Variants in INSYN2B observed in about 807,000 individuals in gnomAD.
INSYN2B encodes the protein inhibitory synaptic factor family member 2B, also known as protein INSYN2B.
INSYN2B carries 16 observed loss-of-function variants against 41.2 expected under a neutral mutation model. That is an observed-to-expected ratio of 0.39 (90% confidence interval 0.26 to 0.59). INSYN2B has a LOEUF of 0.59. Ranked by LOEUF, INSYN2B falls within the 20% of genes least tolerant of loss-of-function variation. The pLI is 0.57. For synonymous variants in INSYN2B, 245 were observed against 244.4 expected (o/e 1.00, Z -0.02); for missense variants, 608 against 646.4 (o/e 0.94, Z 0.64).
intron 3 of INSYN2B, among the ~76,000 whole-genome samples, chr5:169,867,677 A>G (rs1441001929): frequency 1.3e-5 from 2 of 152,016 alleles, no homozygotes; most frequent in East Asian, 1.9e-4. Context: ...GTCTCTATCT[A>G]TTGATCCCCC....
At chr5:169,950,768 C>G (rs1269292561) in intron 1 of INSYN2B, among the ~76,000 whole-genome samples, 3 of 152,154 alleles carry the variant, frequency 2.0e-5, no homozygotes, top group East Asian at 3.8e-4. Context: ...GTATCAGGAC[C>G]AGATTCTGTC....
At chr5:169,951,711 A>AT (rs1467126356) in intron 1 of INSYN2B, among the ~76,000 whole-genome samples, 1 of 152,242 alleles carries the variant, frequency 6.6e-6, no homozygotes, top group Non-Finnish European at 1.5e-5. Flanking sequence ...ATACACAAAC[A>AT]TATGTATAGC....
intron 1 of INSYN2B, among the ~76,000 whole-genome samples, chr5:169,956,714 A>G (rs1776881745): frequency 6.6e-6 from 1 of 152,226 alleles, no homozygotes; most frequent in Admixed American, 6.5e-5. Context: ...GTTTATAAAT[A>G]CAAGCTTTGT....
chr5:169,976,817 C>T (rs761892411), intron 1 of INSYN2B, among the ~76,000 whole-genome samples: 1 of 152,144 alleles, frequency 6.6e-6, no homozygotes, highest in Non-Finnish European at 1.5e-5. Context: ...CTGACTCTGC[C>T]GGAGTTGCCA....
chr5:169,936,966 C>T (rs1776028144), intron 1 of INSYN2B, among the ~76,000 whole-genome samples: 1 of 152,122 alleles, frequency 6.6e-6, no homozygotes, highest in African/African-American at 2.4e-5. Context: ...GGTTTCCCAC[C>T]ACCTCTCCTG....
At chr5:169,881,674 C>T (rs1395339940) in intron 2 of INSYN2B, among the ~76,000 whole-genome samples, 1 of 152,136 alleles carries the variant, frequency 6.6e-6, no homozygotes, top group Non-Finnish European at 1.5e-5. Flanking sequence ...ATGCTGACAA[C>T]AATCCTGTTG....
At chr5:169,959,767 C>T (rs11134599) in intron 1 of INSYN2B, among the ~76,000 whole-genome samples, 48,790 of 151,944 alleles carry the variant, frequency 0.32, 9,138 homozygotes, top group African/African-American at 0.52. Context: ...TTAGAGTCAT[C>T]GTAGATCTAG....
intron 1 of INSYN2B, among the ~76,000 whole-genome samples, chr5:169,890,338 A>G (rs1773212899): frequency 6.6e-6 from 1 of 152,166 alleles, no homozygotes; most frequent in South Asian, 2.1e-4. Context: ...ACTGTTGATC[A>G]TTCACCTCTG....
intron 1 of INSYN2B, among the ~76,000 whole-genome samples, chr5:169,889,711 C>T (rs1773175332): frequency 6.6e-6 from 1 of 152,208 alleles, no homozygotes; most frequent in African/African-American, 2.4e-5. Flanking sequence ...TCAGATCTGC[C>T]ATTGTGGCAA....
intron 1 of INSYN2B, among the ~76,000 whole-genome samples, chr5:169,944,992 A>G (rs543674304): frequency 5.9e-5 from 9 of 152,266 alleles, no homozygotes; most frequent in South Asian, 4.1e-4. Flanking sequence ...TGGCTGGCAA[A>G]TACCTCTAGG....
At chr5:169,969,526 T>C (rs1372914402) in intron 1 of INSYN2B, among the ~76,000 whole-genome samples, 2 of 152,088 alleles carry the variant, frequency 1.3e-5, no homozygotes, top group African/African-American at 4.8e-5. Flanking sequence ...AAATACCAAA[T>C]AGTGAAGAGA....
intron 3 of INSYN2B, among the ~76,000 whole-genome samples, chr5:169,872,783 C>T (rs965947853): frequency 6.6e-6 from 1 of 152,182 alleles, no homozygotes; most frequent in Non-Finnish European, 1.5e-5. Context: ...AAAGTAGGAC[C>T]TAGTTTTGAG....
chr5:169,899,894 A>G (rs1773822215), intron 1 of INSYN2B, among the ~76,000 whole-genome samples: 1 of 152,220 alleles, frequency 6.6e-6, no homozygotes, highest in Non-Finnish European at 1.5e-5. Context: ...TAATGCTATC[A>G]GGCATCTGCC....
chr5:169,937,183 T>G (rs933962332), intron 1 of INSYN2B, among the ~76,000 whole-genome samples: 6 of 152,250 alleles, frequency 3.9e-5, no homozygotes, highest in African/African-American at 1.4e-4. Flanking sequence ...AGAGCTGCTT[T>G]CAAACCACCA....
intron 1 of INSYN2B, among the ~76,000 whole-genome samples, chr5:169,906,204 G>A: frequency 6.6e-6 from 1 of 152,164 alleles, no homozygotes; most frequent in East Asian, 1.9e-4. Flanking sequence ...TGGATAGTCA[G>A]AAAGTTCTTT....
chr5:169,908,713 C>CTTT (rs34261104), intron 1 of INSYN2B, among the ~76,000 whole-genome samples: 4 of 105,072 alleles, frequency 3.8e-5, no homozygotes, highest in Non-Finnish European at 5.6e-5. Flanking sequence ...TTTCTTTTTT[C>CTTT]TTTTTTTTTT....
intron 3 of INSYN2B, among the ~76,000 whole-genome samples, chr5:169,874,177 CCAAGGT>C (rs1212971899): frequency 6.6e-6 from 1 of 152,014 alleles, no homozygotes; most frequent in Non-Finnish European, 1.5e-5. Context: ...CTTTGGGAGG[CCAAGGT>C]CAGTGGATCA....
intron 1 of INSYN2B, among the ~76,000 whole-genome samples, chr5:169,898,249 C>T (rs917451189): frequency 6.6e-6 from 1 of 152,202 alleles, no homozygotes; most frequent in African/African-American, 2.4e-5. Flanking sequence ...CAACTGGCTG[C>T]CATGGTCTCC....
chr5:169,919,436 A>C (rs1775054292), intron 1 of INSYN2B, among the ~76,000 whole-genome samples: 1 of 152,200 alleles, frequency 6.6e-6, no homozygotes, highest in African/African-American at 2.4e-5. Context: ...TTAAATCCCC[A>C]ACTAAAAAGT....
Sources: gnomAD v4.1 joint callset for allele counts (sites outside exome capture counted in the v4.1 genomes callset) on GRCh38, gnomAD v4.1.1 for gene constraint, MANE v1.5 for transcripts, NCBI Gene and HGNC (gene_info 2026-07-23, HGNC 2026-07-21) for gene names.